Variants in LPAR3 observed in about 807,000 individuals in gnomAD.
The protein encoded by LPAR3 is lysophosphatidic acid receptor 3.
In LPAR3, 7 loss-of-function variants were observed where a neutral mutation model predicts 17.8. The observed-to-expected ratio is 0.39, with a 90% CI of 0.22 to 0.74. LPAR3 has a LOEUF of 0.74. Among genes scored for constraint, LPAR3 ranks in the 30% least tolerant of loss-of-function variants. The probability of loss-of-function intolerance (pLI) is 0.40; values close to 1 mark genes in which losing one functional copy is unlikely to be tolerated. For missense variants in LPAR3, 391 were observed against 453.4 expected (o/e 0.86, Z 1.25); for synonymous variants, 179 against 179.9 (o/e 0.99, Z 0.04).
intron 2 of LPAR3, among the ~76,000 whole-genome samples, chr1:84,854,541 C>T (rs899346538): frequency 6.6e-6 from 1 of 152,214 alleles, no homozygotes; most frequent in Non-Finnish European, 1.5e-5. Flanking sequence ...TCTCATGTGA[C>T]ACAACCGTTG....
intron 2 of LPAR3, among the ~76,000 whole-genome samples, chr1:84,863,285 G>A (rs989135306): frequency 6.6e-6 from 1 of 152,064 alleles, no homozygotes; most frequent in African/African-American, 2.4e-5. Context: ...ATGTTGCCCA[G>A]GCTCTTCCTT....
At chr1:84,862,397 T>C (rs986104609) in intron 2 of LPAR3, among the ~76,000 whole-genome samples, 1 of 152,206 alleles carries the variant, frequency 6.6e-6, no homozygotes, top group Admixed American at 6.5e-5. Flanking sequence ...ATATGTGAAC[T>C]CTAGAGGCCA....
chr1:84,882,560 G>T (rs1660384566), intron 1 of LPAR3, among the ~76,000 whole-genome samples: 1 of 152,164 alleles, frequency 6.6e-6, no homozygotes, highest in South Asian at 2.1e-4. Context: ...CAAAGCTGGA[G>T]GCCTCACATT....
intron 1 of LPAR3, among the ~76,000 whole-genome samples, chr1:84,888,151 T>TACACAC (rs757810280): frequency 3.3e-5 from 3 of 91,018 alleles, no homozygotes; most frequent in South Asian, 8.1e-4. Flanking sequence ...TATACATACA[T>TACACAC]ACACACACAC....
chr1:84,818,759 T>G (rs766816349), intron 2 of LPAR3, among the ~76,000 whole-genome samples: 2 of 152,224 alleles, frequency 1.3e-5, no homozygotes, highest in Non-Finnish European at 2.9e-5. Context: ...GCTAATCATC[T>G]TCTTGCTTTT....
At chr1:84,871,997 C>T (rs1167088945) in intron 1 of LPAR3, among the ~76,000 whole-genome samples, 3 of 152,158 alleles carry the variant, frequency 2.0e-5, no homozygotes, top group Non-Finnish European at 4.4e-5. Flanking sequence ...TCTACTTGGG[C>T]TACGGTCTAT....
At chr1:84,857,867 A>G (rs1176060001) in intron 2 of LPAR3, among the ~76,000 whole-genome samples, 1 of 152,184 alleles carries the variant, frequency 6.6e-6, no homozygotes, top group Non-Finnish European at 1.5e-5. Flanking sequence ...ACTTCCCTCA[A>G]GGGTTGTCAT....
intron 2 of LPAR3, among the ~76,000 whole-genome samples, chr1:84,838,889 G>C (rs1659452914): frequency 6.6e-6 from 1 of 152,130 alleles, no homozygotes; most frequent in Non-Finnish European, 1.5e-5. Context: ...CAGTGCCCCG[G>C]ACTGGCCCTG....
chr1:84,869,816 T>C (rs1159535074), intron 1 of LPAR3, among the ~76,000 whole-genome samples: 1 of 152,242 alleles, frequency 6.6e-6, no homozygotes, highest in East Asian at 1.9e-4. Context: ...GCCTCAAAGA[T>C]TTGCATATGT....
Position 84,865,615 on chromosome 1 carries a change from C to T in LPAR3, c.506G>A (p.Cys169Tyr). Residue 169 changes from cysteine (C) to tyrosine (Y), a missense_variant, in exon 2 of 3, where the codon TGC (cysteine) becomes TAC (tyrosine). Transcript: ENST00000370611. ...AGAGCAGGCAGAGATGTTGCAGAGG[C>T]AATTCCAGCCCAGTGTGGGGACCGC... ...MGAVPTLGWN[C>Y]LCNISACSSL... 1 of 1,614,206 alleles carries T rather than the reference C, an allele frequency of 6.2e-7. No individual in the cohort carries two copies. The highest frequency in any genetic ancestry group is 8.5e-7 in the Non-Finnish European group (1 of 1,180,030).
At chr1:84,823,044 C>T (rs558813447) in intron 2 of LPAR3, among the ~76,000 whole-genome samples, 14 of 152,198 alleles carry the variant, frequency 9.2e-5, no homozygotes, top group African/African-American at 3.4e-4. Context: ...CCTAGTAAGC[C>T]GCAGGGCCAT....
chr1:84,873,754 G>GTTTTTTTTTTTTTTT (rs774761348), intron 1 of LPAR3, among the ~76,000 whole-genome samples: 1 of 137,530 alleles, frequency 7.3e-6, no homozygotes. Context: ...TGTTTTGCTT[G>GTTTTTTTTTTTTTTT]TTTGTTTTTT....
intron 2 of LPAR3, among the ~76,000 whole-genome samples, chr1:84,832,359 C>G (rs1328226223): frequency 6.6e-6 from 1 of 152,150 alleles, no homozygotes; most frequent in Admixed American, 6.5e-5. Context: ...AAGACAATAC[C>G]TTTCCTCCAA....
intron 1 of LPAR3, among the ~76,000 whole-genome samples, chr1:84,868,252 G>A (rs1389972034): frequency 6.6e-6 from 1 of 152,118 alleles, no homozygotes; most frequent in African/African-American, 2.4e-5. Context: ...TGGGACCACA[G>A]GCGCATGCCA....
intron 2 of LPAR3, among the ~76,000 whole-genome samples, chr1:84,843,720 C>A (rs762214964): frequency 2.0e-5 from 3 of 152,226 alleles, no homozygotes; most frequent in Non-Finnish European, 4.4e-5. Flanking sequence ...CCAAACATGG[C>A]ATTCTATAAA....
At chr1:84,886,072 C>T (rs901127693) in intron 1 of LPAR3, among the ~76,000 whole-genome samples, 4 of 152,144 alleles carry the variant, frequency 2.6e-5, no homozygotes, top group African/African-American at 9.7e-5. Context: ...ACAATGGGCA[C>T]ATCAACCTCC....
intron 1 of LPAR3, among the ~76,000 whole-genome samples, chr1:84,882,669 A>G (rs1660387657): frequency 6.6e-6 from 1 of 152,210 alleles, no homozygotes; most frequent in African/African-American, 2.4e-5. Context: ...GAGCCCAAAA[A>G]TAAACCCACA....
intron 1 of LPAR3, among the ~76,000 whole-genome samples, chr1:84,878,862 C>T (rs1013793608): frequency 6.6e-6 from 1 of 152,138 alleles, no homozygotes; most frequent in Non-Finnish European, 1.5e-5. Context: ...TGGTGTTTTC[C>T]TTGGGCTCAG....
chr1:84,840,980 CCTT>C (rs1242368570), intron 2 of LPAR3, among the ~76,000 whole-genome samples: 3 of 152,182 alleles, frequency 2.0e-5, no homozygotes. Context: ...TCACTGTAGA[CCTT>C]CTTCTGAGCA....
Sources: gnomAD v4.1 joint callset for allele counts (sites outside exome capture counted in the v4.1 genomes callset) on GRCh38, gnomAD v4.1.1 for gene constraint, MANE v1.5 for transcripts, NCBI Gene and HGNC (gene_info 2026-07-23, HGNC 2026-07-21) for gene names.